The following PCDH11Y variants were observed in gnomAD, a reference collection of about 807,000 sequenced individuals.
PCDH11Y encodes protocadherin 11 Y-linked.
For missense variants in PCDH11Y, 12 were observed against 224.8 expected, an observed-to-expected ratio of 0.05 and a Z score of 6.05; for synonymous variants, 9 against 83.6, an observed-to-expected ratio of 0.11 and a Z score of 4.87.
At chrY:5,666,623 G>C in intron 4 of PCDH11Y, among the ~76,000 whole-genome samples, 1 of 32,682 alleles carries the variant, frequency 3.1e-5, no homozygotes, top group Non-Finnish European at 7.5e-5. Context: ...AGATGCTATC[G>C]AAATGCAGAT....
chrY:5,673,548 C>T, intron 4 of PCDH11Y, among the ~76,000 whole-genome samples: 4 of 23,623 alleles, frequency 1.7e-4, no homozygotes, highest in African/African-American at 6.6e-4. Flanking sequence ...CAGCTAAACA[C>T]TAAAATTTAG....
intron 2 of PCDH11Y, among the ~76,000 whole-genome samples, chrY:5,421,111 G>A (rs2053257934): frequency 3.2e-5 from 1 of 30,871 alleles, no homozygotes; most frequent in African/African-American, 1.3e-4. Flanking sequence ...GTGGTCGTGC[G>A]TGCCTGTAAT....
chrY:5,679,180 T>C, intron 4 of PCDH11Y, among the ~76,000 whole-genome samples: 1 of 32,562 alleles, frequency 3.1e-5, no homozygotes, highest in Non-Finnish European at 7.6e-5. Flanking sequence ...AGGGAGTCCT[T>C]GTGCCACCCC....
At position 5,040,041 on chromosome Y, in the gene PCDH11Y, T is replaced by A. The variant is rs1398566479; in HGVS notation, c.32+7313T>A. ...CTGTAGTCCCAGATACTCGGGAGGC[T>A]GAGGCAGGAGAATCTCTTGAACCTG... On this transcript the variant is annotated intron_variant, in intron 3 of 5. Coordinates refer to the PCDH11Y transcript ENST00000333703. Among the ~76,000 whole-genome samples the A allele has an allele frequency of 2.0e-3, 60 of 30,195 alleles. No homozygotes were observed. The East Asian group carries it at 0.047, about 24-fold the overall frequency. 81.0% of individuals were successfully genotyped at this position (30,195 alleles called of 37,273 possible). A position where few individuals can be genotyped will look rare whatever the true frequency, so the allele number is the denominator to read the frequency against.
chrY:5,032,720 T>C (rs761463815), exon 3 of PCDH11Y: 2 of 392,680 alleles, frequency 5.1e-6, no homozygotes, highest in African/African-American at 6.2e-5. Context: ...TTAATTCAGA[T>C]ATTTCAAGGT....
intron 2 of PCDH11Y, among the ~76,000 whole-genome samples, chrY:5,253,632 T>C (rs2053006705): frequency 3.1e-5 from 1 of 32,442 alleles, no homozygotes; most frequent in African/African-American, 1.2e-4. Flanking sequence ...AAAGAGTTAA[T>C]GTAGCTTCCA....
chrY:5,677,440 T>C (rs2053554506), intron 4 of PCDH11Y, among the ~76,000 whole-genome samples: 1 of 31,854 alleles, frequency 3.1e-5, no homozygotes, highest in Admixed American at 2.9e-4. Flanking sequence ...AATCTTGACA[T>C]TGTTCTTCCA....
intron 2 of PCDH11Y, among the ~76,000 whole-genome samples, chrY:5,418,027 G>A (rs207480347): frequency 6.1e-5 from 2 of 32,849 alleles, no homozygotes; most frequent in African/African-American, 1.2e-4. Flanking sequence ...ATCATTTTAC[G>A]TAGTAATTTT....
chrY:5,622,298 GA>G (rs2053501159), intron 4 of PCDH11Y, among the ~76,000 whole-genome samples: 3 of 32,187 alleles, frequency 9.3e-5, no homozygotes, highest in African/African-American at 3.7e-4. Context: ...ATAAACATAT[GA>G]AAAAAAGTTC....
At chrY:5,581,225 T>C in intron 3 of PCDH11Y, among the ~76,000 whole-genome samples, 2 of 33,094 alleles carry the variant, frequency 6.0e-5, no homozygotes, top group Admixed American at 5.6e-4. Flanking sequence ...AATGGTATTA[T>C]AGAAAAAGTT....
chrY:5,364,560 CT>C (rs373263322), intron 2 of PCDH11Y, among the ~76,000 whole-genome samples: 4,155 of 25,652 alleles, frequency 0.16, no homozygotes, highest in Middle Eastern at 0.39. Flanking sequence ...TCTATCCTTC[CT>C]TTTTTTTTTT....
intron 3 of PCDH11Y, among the ~76,000 whole-genome samples, chrY:5,549,131 C>T: frequency 3.1e-5 from 1 of 31,825 alleles, no homozygotes; most frequent in Non-Finnish European, 7.7e-5. Context: ...GTGACAAGCT[C>T]CTGCATAGCA....
At chrY:5,199,448 C>T in intron 2 of PCDH11Y, among the ~76,000 whole-genome samples, 2 of 31,469 alleles carry the variant, frequency 6.4e-5, no homozygotes, top group African/African-American at 1.3e-4. Flanking sequence ...CCACCATGCC[C>T]GGCTAATTTT....
chrY:5,300,919 T>C, intron 2 of PCDH11Y, among the ~76,000 whole-genome samples: 1 of 34,662 alleles, frequency 2.9e-5, no homozygotes, highest in African/African-American at 1.1e-4. Context: ...GTAATTGTTA[T>C]GATCAAGTGA....
intron 2 of PCDH11Y, among the ~76,000 whole-genome samples, chrY:5,496,993 G>A: frequency 3.0e-5 from 1 of 33,417 alleles, no homozygotes; most frequent in Non-Finnish European, 7.4e-5. Context: ...TTTTATGGCT[G>A]CATAGTATTC....
At chrY:5,535,895 AT>A (rs2053399774) in intron 3 of PCDH11Y, among the ~76,000 whole-genome samples, 2 of 31,620 alleles carry the variant, frequency 6.3e-5, no homozygotes, top group African/African-American at 2.5e-4. Context: ...GCCAACGTCT[AT>A]TTTTTTTATT....
intron 2 of PCDH11Y, among the ~76,000 whole-genome samples, chrY:5,149,700 G>A: frequency 6.5e-5 from 2 of 30,901 alleles, no homozygotes; most frequent in Admixed American, 6.1e-4. Flanking sequence ...TGGGTCAGCA[G>A]AGTGGATAAC....
chrY:5,319,667 C>T (rs1602903846), intron 2 of PCDH11Y, among the ~76,000 whole-genome samples: 1 of 32,807 alleles, frequency 3.0e-5, no homozygotes, highest in Non-Finnish European at 7.5e-5. Context: ...GTCCTCCTAT[C>T]CCCTAACCCC....
At chrY:5,024,627 ATGTTAGCATTTTT>A (rs2052575930) in intron 1 of PCDH11Y, among the ~76,000 whole-genome samples, 1 of 33,013 alleles carries the variant, frequency 3.0e-5, no homozygotes, top group Non-Finnish European at 7.5e-5. Context: ...TTTGGATCAA[ATGTTAGCATTTTT>A]TGTTTCTGCA....
Sources: gnomAD v4.1 joint callset for allele counts (sites outside exome capture counted in the v4.1 genomes callset) on GRCh38, gnomAD v4.1.1 for gene constraint, MANE v1.5 for transcripts, NCBI Gene and HGNC (gene_info 2026-07-23, HGNC 2026-07-21) for gene names.